The following SPAST variants were observed in gnomAD, a reference collection of about 807,000 sequenced individuals.
SPAST encodes the protein spastin.
SPAST carries 30 observed loss-of-function variants against 76.6 expected under a neutral mutation model. The observed-to-expected ratio is 0.39, with a 90% CI of 0.29 to 0.53. SPAST has a LOEUF of 0.53. SPAST is among the 20% of genes least tolerant of loss of function. The probability of loss-of-function intolerance (pLI) is 0.68; values close to 1 mark genes in which losing one functional copy is unlikely to be tolerated. For synonymous variants in SPAST, 305 were observed against 281.0 expected (o/e 1.09, Z -0.86); for missense variants, 717 against 770.5 (o/e 0.93, Z 0.82).
intron 16 of SPAST, among the ~76,000 whole-genome samples, chr2:32,147,637 TG>T (rs1573175302): frequency 7.0e-6 from 1 of 142,988 alleles, no homozygotes; most frequent in Non-Finnish European, 1.5e-5. Context: ...TTTGTTTGTT[TG>T]TTTGTTTGTT....
intron 1 of SPAST, among the ~76,000 whole-genome samples, chr2:32,079,285 G>C (rs142840703): frequency 1.3e-5 from 2 of 152,114 alleles, no homozygotes; most frequent in Middle Eastern, 6.8e-3. Flanking sequence ...GGGAGGCTAA[G>C]TGGGAGTATC....
chr2:32,134,433 C>T (rs1432064605), intron 9 of SPAST, among the ~76,000 whole-genome samples: 1 of 150,268 alleles, frequency 6.7e-6, no homozygotes, highest in African/African-American at 2.4e-5. Flanking sequence ...ACCTGGGAGG[C>T]AGAGATTGCA....
In SPAST at chr2:32,114,639, A is replaced by T. The variant is rs1458104027; in HGVS notation, c.684A>T (p.Glu228Asp). ...LACRNGHLQS[E>D]SGAVPKRKDP... Reference sequence around the variant, plus strand: ...ATGGTTTTACTTTTTCCTTGTCAGAAAGTGGAGCTGTTCCAAAAAGAAAAG... The same window carrying T: ...ATGGTTTTACTTTTTCCTTGTCAGATAGTGGAGCTGTTCCAAAAAGAAAAG... The change falls in exon 5 of 17, where the codon GAA becomes GAT. Residue 228 changes from glutamate to aspartate, a missense_variant and splice_region_variant. This residue lies in a region of SPAST where 543 missense variants were observed against 445.2 expected (regional missense o/e 1.22). Transcript: ENST00000315285. 1 of 1,613,704 alleles carries T rather than the reference A, an allele frequency of 6.2e-7. No homozygotes were observed. Among genetic ancestry groups the T allele is most frequent in the East Asian group, 2.2e-5 (1 of 44,868 alleles).
At chr2:32,110,733 A>G (rs556496785) in intron 4 of SPAST, among the ~76,000 whole-genome samples, 5 of 132,566 alleles carry the variant, frequency 3.8e-5, no homozygotes, top group African/African-American at 1.4e-4. Context: ...TACATATAGT[A>G]CACTGTATAG....
intron 6 of SPAST, 112 bp from the exon 7 acceptor site, chr2:32,116,005 CTA>C: frequency 1.0e-6 from 1 of 969,514 alleles, no homozygotes; most frequent in Non-Finnish European, 1.6e-6. Flanking sequence ...ACTGATTTAA[CTA>C]TAGTTTAACA....
intron 4 of SPAST, among the ~76,000 whole-genome samples, chr2:32,109,817 CATAT>C (rs956908329): frequency 8.1e-5 from 12 of 148,590 alleles, no homozygotes; most frequent in South Asian, 2.1e-4. Flanking sequence ...TACACACATA[CATAT>C]ATAGTTACAT....
intron 1 of SPAST, among the ~76,000 whole-genome samples, chr2:32,078,794 A>G (rs1357889506): frequency 6.6e-6 from 1 of 152,172 alleles, no homozygotes; most frequent in Non-Finnish European, 1.5e-5. Context: ...AATATGCAAA[A>G]CAATTTGCAA....
chr2:32,145,811 T>C (rs1300618403), intron 15 of SPAST, among the ~76,000 whole-genome samples: 1 of 152,220 alleles, frequency 6.6e-6, no homozygotes, highest in East Asian at 1.9e-4. Context: ...GCATCGGTAG[T>C]GGATGGTTGA....
In SPAST at chr2:32,115,694, C is replaced by T. The variant is rs972268088; in HGVS notation, c.871-8C>T. On this transcript the variant is annotated splice_polypyrimidine_tract_variant and splice_region_variant and intron_variant, in intron 5 of 16. Coordinates refer to ENST00000315285, the MANE Select transcript of SPAST (RefSeq NM_014946.4). ...GTATTTTCATATTAAAATTTTGTAT[C>T]CTTTAAGGGTACTCCGAAAACAAAT... 1 of 1,596,436 alleles carries T rather than the reference C, an allele frequency of 6.3e-7. No individual in the cohort carries two copies.
At chr2:32,128,217 A>G (rs534588298) in intron 8 of SPAST, 191 bp from the exon 9 acceptor site, 30 of 533,238 alleles carry the variant, frequency 5.6e-5, no homozygotes, top group Non-Finnish European at 8.7e-5. Context: ...CTGGTCTCAA[A>G]CTCTTGGCCT....
intron 1 of SPAST, among the ~76,000 whole-genome samples, chr2:32,080,929 G>T (rs1242341582): frequency 6.7e-6 from 1 of 148,992 alleles, no homozygotes; most frequent in Non-Finnish European, 1.5e-5. Flanking sequence ...AGAGTAGCTA[G>T]GACTACAGGC....
intron 1 of SPAST, among the ~76,000 whole-genome samples, chr2:32,073,391 C>G (rs1238915410): frequency 1.3e-5 from 2 of 152,198 alleles, no homozygotes; most frequent in Non-Finnish European, 2.9e-5. Flanking sequence ...TTTCCGCTGT[C>G]TTACTCTCTC....
intron 1 of SPAST, among the ~76,000 whole-genome samples, chr2:32,076,714 C>T (rs1676975271): frequency 6.6e-6 from 1 of 151,588 alleles, no homozygotes; most frequent in South Asian, 2.1e-4. Context: ...AGAACAGGGG[C>T]CATAATCAGT....
Position 32,068,325 on chromosome 2 carries a change from C to CT in SPAST, c.415+4093dup, listed in dbSNP as rs34133490. ...ACATCAGAATGGGCTGTTGACAGCT[C>CT]TTTTTTTTTTTTTTGAGGCAGAGTC... On this transcript the variant is annotated intron_variant, in intron 1 of 16. Transcript: ENST00000315285. 8.6e-3 allele frequency among the ~76,000 whole-genome samples: 1,139 copies of CT among 132,256 alleles called. 20 individuals carry two copies. The highest frequency in any genetic ancestry group is 0.028 in the African/African-American group (992 of 35,410). The allele number at this position is 132,256 out of a possible 152,430, so 86.8% of individuals were successfully genotyped here.
chr2:32,127,609 C>T (rs1325847843), intron 8 of SPAST: 1 of 150,790 alleles, frequency 6.6e-6, no homozygotes, highest in South Asian at 2.1e-4. Flanking sequence ...CTGATTTTTG[C>T]TTCTACTATC....
intron 9 of SPAST, among the ~76,000 whole-genome samples, chr2:32,136,152 C>CG (rs1320481013): frequency 6.6e-6 from 1 of 151,798 alleles, no homozygotes; most frequent in Non-Finnish European, 1.5e-5. Context: ...TTCTTAATAG[C>CG]GCAAGTTTTG....
chr2:32,098,905 A>C lies in SPAST; in HGVS notation c.682+14A>C, dbSNP rs755281872. The C allele has an allele frequency of 2.0e-6, 3 of 1,531,818 alleles. No individual in the cohort carries two copies. The highest frequency in any genetic ancestry group is 1.8e-6 in the Non-Finnish European group (2 of 1,105,062). 94.9% of individuals were successfully genotyped at this position (1,531,818 alleles called of 1,614,324 possible). A position where few individuals can be genotyped will look rare whatever the true frequency, so the allele number is the denominator to read the frequency against. The stretch of plus-strand genomic sequence containing the variant: ...ATCTCCAGTCAGGTGGGTTTAGGTT[A>C]ACTAACATAAAATAATAAAGCTTGC... On this transcript the variant is annotated intron_variant, in intron 4 of 16. Coordinates refer to ENST00000315285, the MANE Select transcript of SPAST (RefSeq NM_014946.4).
At chr2:32,115,199 C>T (rs1678783177) in intron 5 of SPAST, among the ~76,000 whole-genome samples, 1 of 152,112 alleles carries the variant, frequency 6.6e-6, no homozygotes, top group Non-Finnish European at 1.5e-5. Flanking sequence ...CCGCCTGCCT[C>T]AGCCTCCCAA....
chr2:32,076,873 T>G (rs1676980828), intron 1 of SPAST, among the ~76,000 whole-genome samples: 1 of 151,912 alleles, frequency 6.6e-6, no homozygotes, highest in South Asian at 2.1e-4. Context: ...AATTGAGTGT[T>G]TGTTTTTTGT....
Sources: gnomAD v4.1 joint callset for allele counts (sites outside exome capture counted in the v4.1 genomes callset) on GRCh38, gnomAD v4.1.1 for gene constraint, gnomAD v4.1.1 regional missense constraint, MANE v1.5 for transcripts, NCBI Gene and HGNC (gene_info 2026-07-23, HGNC 2026-07-21) for gene names.